FGF12: variants seen among roughly 807,000 people sequenced by gnomAD.
FGF12 encodes fibroblast growth factor 12.
FGF12 carries 14 observed loss-of-function variants against 23.6 expected under a neutral mutation model. The ratio of observed to expected loss-of-function variants is 0.59; its 90% CI spans 0.39 to 0.93. FGF12 has a LOEUF of 0.93. Among genes scored for constraint, FGF12 ranks in the 40% least tolerant of loss-of-function variants. The probability of loss-of-function intolerance (pLI) is 0.00; values close to 1 mark genes in which losing one functional copy is unlikely to be tolerated. For synonymous variants in FGF12, 62 were observed against 77.3 expected (o/e 0.80, Z 1.04); for missense variants, 175 against 217.8 (o/e 0.80, Z 1.24).
chr3:192,698,829 T>C (rs1323247578), intron 2 of FGF12, among the ~76,000 whole-genome samples: 16 of 152,098 alleles, frequency 1.1e-4, no homozygotes, highest in Admixed American at 1.0e-3. Flanking sequence ...GAGAATCACC[T>C]CCATTTTTCA....
chr3:192,719,800 AAAAAG>A (rs1448711536), intron 2 of FGF12, among the ~76,000 whole-genome samples: 6,388 of 143,266 alleles, frequency 0.045, 209 homozygotes, highest in East Asian at 0.15. Context: ...AAAAAAAAAA[AAAAAG>A]AAAAACAAGA....
intron 5 of FGF12, among the ~76,000 whole-genome samples, chr3:192,161,443 C>T (rs557541353): frequency 2.3e-4 from 35 of 151,832 alleles, no homozygotes; most frequent in African/African-American, 8.2e-4. Flanking sequence ...CACAAATACA[C>T]ACACACACAC....
chr3:192,417,146 T>C (rs1293305181), intron 2 of FGF12, among the ~76,000 whole-genome samples: 1 of 152,032 alleles, frequency 6.6e-6, no homozygotes, highest in African/African-American at 2.4e-5. Flanking sequence ...TCCTGGTTGG[T>C]TGAGTATGCT....
At chr3:192,506,910 G>A (rs1331028590) in intron 2 of FGF12, among the ~76,000 whole-genome samples, 1 of 96,856 alleles carries the variant, frequency 1.0e-5, no homozygotes, top group Non-Finnish European at 2.1e-5. Flanking sequence ...TTTTTTTTTT[G>A]AGATGGAGTC....
chr3:192,195,840 C>T (rs1717041752), intron 4 of FGF12, among the ~76,000 whole-genome samples: 2 of 152,068 alleles, frequency 1.3e-5, no homozygotes, highest in Admixed American at 1.3e-4. Flanking sequence ...AATGTATTAC[C>T]TCATCTAGTT....
At chr3:192,661,385 G>T (rs1716666217) in intron 2 of FGF12, among the ~76,000 whole-genome samples, 1 of 152,174 alleles carries the variant, frequency 6.6e-6, no homozygotes, top group Non-Finnish European at 1.5e-5. Context: ...AGCTGGGCAT[G>T]GTGGCATGGG....
chr3:192,291,589 A>G (rs1714762388), intron 4 of FGF12, among the ~76,000 whole-genome samples: 1 of 152,104 alleles, frequency 6.6e-6, no homozygotes, highest in Admixed American at 6.6e-5. Context: ...TCTTAAAAAA[A>G]AGAAAAAAAA....
At chr3:192,616,332 TG>T (rs1434598927) in intron 2 of FGF12, among the ~76,000 whole-genome samples, 1 of 152,074 alleles carries the variant, frequency 6.6e-6, no homozygotes, top group East Asian at 1.9e-4. Context: ...ATCTGAGAAA[TG>T]GAATACCATC....
chr3:192,419,065 T>C (rs1721442173), intron 2 of FGF12, among the ~76,000 whole-genome samples: 3 of 152,186 alleles, frequency 2.0e-5, no homozygotes, highest in Non-Finnish European at 4.4e-5. Context: ...CTAAAAGTCA[T>C]AGAAAGTTGA....
chr3:192,169,990 T>TC (rs1472770172), intron 5 of FGF12, among the ~76,000 whole-genome samples: 2 of 148,270 alleles, frequency 1.3e-5, no homozygotes, highest in Non-Finnish European at 3.0e-5. Flanking sequence ...CAAGGGTGTA[T>TC]CTTGAGAAAG....
At chr3:192,351,321 T>A (rs1012603543) in intron 3 of FGF12, among the ~76,000 whole-genome samples, 9 of 152,156 alleles carry the variant, frequency 5.9e-5, no homozygotes, top group Non-Finnish European at 7.3e-5. Flanking sequence ...AACAGAAAGT[T>A]TGTGGGACTT....
chr3:192,169,255 C>T (rs534288438), intron 5 of FGF12, among the ~76,000 whole-genome samples: 140 of 152,170 alleles, frequency 9.2e-4, no homozygotes, highest in Non-Finnish European at 1.4e-3. Context: ...GAAGGAGAAT[C>T]GCTGGAACCC....
At chr3:192,724,750 T>C (rs551762459) in intron 2 of FGF12, among the ~76,000 whole-genome samples, 14 of 152,286 alleles carry the variant, frequency 9.2e-5, no homozygotes, top group Non-Finnish European at 1.9e-4. Flanking sequence ...TTGATCTTAT[T>C]TGTAAATAGC....
At chr3:192,365,193 C>T (rs1157412805) in intron 2 of FGF12, among the ~76,000 whole-genome samples, 2 of 150,946 alleles carry the variant, frequency 1.3e-5, no homozygotes, top group South Asian at 2.1e-4. Flanking sequence ...AGGCCCGTTT[C>T]GAAATATCAC....
chr3:192,593,250 A>G (rs1485247933), intron 2 of FGF12, among the ~76,000 whole-genome samples: 6 of 151,582 alleles, frequency 4.0e-5, no homozygotes, highest in African/African-American at 1.5e-4. Flanking sequence ...AGCTGTCCCC[A>G]TTGCTTAGAC....
chr3:192,637,415 T>C (rs529017715), intron 2 of FGF12, among the ~76,000 whole-genome samples: 40 of 152,346 alleles, frequency 2.6e-4, no homozygotes, highest in African/African-American at 9.6e-4. Flanking sequence ...CCCAAACATC[T>C]ATAGGCAATA....
At chr3:192,665,902 A>G (rs564895121) in intron 2 of FGF12, among the ~76,000 whole-genome samples, 7 of 152,366 alleles carry the variant, frequency 4.6e-5, no homozygotes, top group African/African-American at 1.7e-4. Context: ...AAGAAGACAC[A>G]ATCAGTAATG....
At chr3:192,708,091 C>T (rs965834739) in intron 2 of FGF12, among the ~76,000 whole-genome samples, 1 of 152,134 alleles carries the variant, frequency 6.6e-6, no homozygotes, top group Non-Finnish European at 1.5e-5. Flanking sequence ...TCCCAAGTAG[C>T]TGGGACTACA....
intron 2 of FGF12, among the ~76,000 whole-genome samples, chr3:192,440,359 C>T (rs964109366): frequency 6.6e-5 from 10 of 152,088 alleles, no homozygotes; most frequent in Non-Finnish European, 1.0e-4. Context: ...GAAGGGTGGA[C>T]GGGAGTATTT....
Sources: gnomAD v4.1 joint callset for allele counts (sites outside exome capture counted in the v4.1 genomes callset) on GRCh38, gnomAD v4.1.1 for gene constraint, MANE v1.5 for transcripts, NCBI Gene and HGNC (gene_info 2026-07-23, HGNC 2026-07-21) for gene names.